Variants in SAMD12 observed in about 807,000 individuals in gnomAD.
SAMD12 encodes the protein sterile alpha motif domain-containing protein 12.
Under a neutral mutation model 15.0 loss-of-function variants are expected in SAMD12, and 9 were observed. The observed-to-expected ratio is 0.60, with a 90% CI of 0.36 to 1.05. The LOEUF (loss-of-function observed/expected upper bound fraction) is 1.05, where lower values mean the gene tolerates loss of function less well. SAMD12 is among the 50% of genes least tolerant of loss of function. The pLI is 0.01. For synonymous variants in SAMD12, 86 were observed against 90.1 expected (o/e 0.96, Z 0.25); for missense variants, 230 against 234.2 (o/e 0.98, Z 0.12).
chr8:118,532,548 G>A (rs1412130116), intron 2 of SAMD12, among the ~76,000 whole-genome samples: 3 of 152,108 alleles, frequency 2.0e-5, no homozygotes, highest in Non-Finnish European at 4.4e-5. Flanking sequence ...GTAGAATTCG[G>A]CTGTGAATCC....
In SAMD12 at chr8:118,553,157, T is replaced by G. The variant is rs550616256; in HGVS notation, c.192+27558A>C. On this transcript the variant is annotated intron_variant, in intron 2 of 3. Coordinates refer to ENST00000314727, the MANE Select transcript of SAMD12 (RefSeq NM_207506.3). ...ATCCCCATCAAGCTACCAATGACTTTCTTCACAGAATTGGAAAAAACTACT... is the reference window on the plus strand; with the variant it reads ...ATCCCCATCAAGCTACCAATGACTTGCTTCACAGAATTGGAAAAAACTACT... Among the ~76,000 whole-genome samples the G allele has an allele frequency of 5.8e-3, 882 of 152,058 alleles. 2 individuals are homozygous for G. The highest frequency in any genetic ancestry group is 0.02 in the African/African-American group (819 of 41,500).
downstream of SAMD12, among the ~76,000 whole-genome samples, chr8:118,186,333 C>T (rs1031622095): frequency 5.3e-5 from 8 of 152,174 alleles, no homozygotes; most frequent in Non-Finnish European, 8.8e-5. Flanking sequence ...GCTTATTTCT[C>T]TTAGTGTGTA....
intron 2 of SAMD12, among the ~76,000 whole-genome samples, chr8:118,493,341 C>T (rs920952491): frequency 6.6e-6 from 1 of 152,116 alleles, no homozygotes; most frequent in African/African-American, 2.4e-5. Context: ...CAGCTCTCAC[C>T]AGCACAAAAC....
intron 4 of SAMD12, among the ~76,000 whole-genome samples, chr8:118,369,109 G>A (rs1458702231): frequency 6.6e-6 from 1 of 152,202 alleles, no homozygotes; most frequent in African/African-American, 2.4e-5. Flanking sequence ...CACACAAAGT[G>A]TGGAGCACAC....
intron 2 of SAMD12, among the ~76,000 whole-genome samples, chr8:118,556,692 C>T (rs113902420): frequency 0.013 from 1,929 of 152,104 alleles, 53 homozygotes; most frequent in African/African-American, 0.044. Flanking sequence ...GGGCTGGGTG[C>T]GGTGGCTCAT....
intron 4 of SAMD12, among the ~76,000 whole-genome samples, chr8:118,255,893 T>C (rs1812927944): frequency 6.6e-6 from 1 of 152,094 alleles, no homozygotes; most frequent in South Asian, 2.1e-4. Flanking sequence ...CTGGGTCAAA[T>C]GGTATTTCTA....
the SAMD12 span, among the ~76,000 whole-genome samples, chr8:118,174,370 G>T: frequency 1.3e-5 from 2 of 152,244 alleles, no homozygotes; most frequent in Non-Finnish European, 1.5e-5. Flanking sequence ...AGGGCCTTTT[G>T]GTTGTTGGGA....
chr8:118,452,620 G>C (rs1283736463), intron 2 of SAMD12, among the ~76,000 whole-genome samples: 1 of 151,994 alleles, frequency 6.6e-6, no homozygotes, highest in African/African-American at 2.4e-5. Flanking sequence ...AATTATTTAA[G>C]CAATTTTTAC....
chr8:118,528,784 T>G (rs1825603738), intron 2 of SAMD12, among the ~76,000 whole-genome samples: 1 of 152,164 alleles, frequency 6.6e-6, no homozygotes, highest in South Asian at 2.1e-4. Flanking sequence ...AAGAAAGAAA[T>G]AACAGAGATT....
At chr8:118,211,363 TAAAG>T (rs1811819078) in intron 4 of SAMD12, among the ~76,000 whole-genome samples, 2 of 152,062 alleles carry the variant, frequency 1.3e-5, no homozygotes, top group African/African-American at 2.4e-5. Flanking sequence ...GCAGTGGAAA[TAAAG>T]AAGAGGAAAG....
chr8:118,412,240 T>C lies in SAMD12; in HGVS notation c.322+27592A>G, dbSNP rs112780585. Reference sequence around the variant, plus strand: ...CTATGCCTATTCCTTCATTTTATGTTGGAGGACAGATAGTTCACTGATATT... The same window carrying C: ...CTATGCCTATTCCTTCATTTTATGTCGGAGGACAGATAGTTCACTGATATT... On this transcript the variant is annotated intron_variant, in intron 3 of 3. Coordinates refer to ENST00000314727, the MANE Select transcript of SAMD12 (RefSeq NM_207506.3). Among the ~76,000 whole-genome samples, 1,008 of 152,258 alleles carry C rather than the reference T, an allele frequency of 6.6e-3. 17 individuals are homozygous for C. The highest frequency in any genetic ancestry group is 0.022 in the African/African-American group (926 of 41,514).
At chr8:118,392,623 G>A (rs1367149012) in intron 3 of SAMD12, among the ~76,000 whole-genome samples, 1 of 152,016 alleles carries the variant, frequency 6.6e-6, no homozygotes, top group African/African-American at 2.4e-5. Context: ...ATGATAGAGG[G>A]GTAAAAAGAA....
intron 2 of SAMD12, among the ~76,000 whole-genome samples, chr8:118,496,454 A>G (rs2131027912): frequency 6.6e-6 from 1 of 152,342 alleles, no homozygotes; most frequent in East Asian, 1.9e-4. Flanking sequence ...AAAGTCAACA[A>G]TAACAAGCAA....
chr8:118,535,919 G>T (rs1467663450), intron 2 of SAMD12, among the ~76,000 whole-genome samples: 1 of 152,194 alleles, frequency 6.6e-6, no homozygotes, highest in Non-Finnish European at 1.5e-5. Context: ...TCCTTGCCCT[G>T]CTTCAGCTCA....
chr8:118,560,968 T>A (rs185389701), intron 2 of SAMD12, among the ~76,000 whole-genome samples: 1 of 152,306 alleles, frequency 6.6e-6, no homozygotes, highest in Non-Finnish European at 1.5e-5. Context: ...TAAAAACTTA[T>A]TTTTCTGTAT....
At chr8:118,311,088 A>T (rs139409527) in intron 4 of SAMD12, among the ~76,000 whole-genome samples, 21 of 152,354 alleles carry the variant, frequency 1.4e-4, no homozygotes, top group African/African-American at 5.0e-4. Flanking sequence ...TTTTACAAGT[A>T]CAAAGGTGAG....
chr8:118,329,536 T>C (rs1160769755), intron 4 of SAMD12, among the ~76,000 whole-genome samples: 2 of 152,062 alleles, frequency 1.3e-5, no homozygotes, highest in Non-Finnish European at 2.9e-5. Context: ...ATCTCCCTGA[T>C]CCCCGCCCTT....
chr8:118,555,497 T>G (rs543288047), intron 2 of SAMD12, among the ~76,000 whole-genome samples: 2 of 152,194 alleles, frequency 1.3e-5, no homozygotes, highest in Non-Finnish European at 2.9e-5. Flanking sequence ...GTTATTGATA[T>G]GCAACAACAG....
In SAMD12 at chr8:118,231,076, G is replaced by A. The variant is rs543859433; in HGVS notation, c.434-33344C>T. On this transcript the variant is annotated intron_variant, in intron 4 of 4. Transcript: ENST00000409003. ...CAGCAATCCAGGCAGGGAAGAGGGT[G>A]GACTGAGCCACAGCAGTAATTTCCT... Among the ~76,000 whole-genome samples the A allele has an allele frequency of 6.6e-5, 10 of 152,246 alleles. No homozygotes were observed. The South Asian group carries it at 2.1e-3, about 32-fold the overall frequency.
Sources: gnomAD v4.1 joint callset for allele counts (sites outside exome capture counted in the v4.1 genomes callset) on GRCh38, gnomAD v4.1.1 for gene constraint, MANE v1.5 for transcripts, NCBI Gene and HGNC (gene_info 2026-07-23, HGNC 2026-07-21) for gene names.